The following EXD3 variants were observed in gnomAD, a reference collection of about 807,000 sequenced individuals.
EXD3 encodes exonuclease 3'-5' domain containing 3, also known as exonuclease mut-7 homolog.
Under a neutral mutation model 98.0 loss-of-function variants are expected in EXD3, and 92 were observed. That is an observed-to-expected ratio of 0.94 (90% CI 0.79 to 1.12). The LOEUF (loss-of-function observed/expected upper bound fraction) is 1.12, where lower values mean the gene tolerates loss of function less well. Among genes scored for constraint, EXD3 ranks in the 50% most tolerant of loss-of-function variants. EXD3 has a pLI of 0.00. For synonymous variants in EXD3, 569 were observed against 526.0 expected (o/e 1.08, Z -1.12); for missense variants, 1,222 against 1,191.6 (o/e 1.03, Z -0.38).
At chr9:137,390,702 G>A (rs925266944) in intron 2 of EXD3, among the ~76,000 whole-genome samples, 3 of 152,106 alleles carry the variant, frequency 2.0e-5, no homozygotes, top group African/African-American at 4.8e-5. Flanking sequence ...ACTTCCCTCC[G>A]GTCTCCCTCA....
chr9:137,379,770 T>C (rs1191131853), intron 3 of EXD3, among the ~76,000 whole-genome samples: 1 of 151,968 alleles, frequency 6.6e-6, no homozygotes, highest in Non-Finnish European at 1.5e-5. Context: ...GGCTGGTTTC[T>C]GTCACCCCCG....
At chr9:137,327,393 A>G (rs1428528382) in intron 17 of EXD3, among the ~76,000 whole-genome samples, 2 of 152,084 alleles carry the variant, frequency 1.3e-5, no homozygotes, top group Non-Finnish European at 2.9e-5. Flanking sequence ...TCGGCCTCCC[A>G]AAGTGCTGGG....
At chr9:137,416,831 G>T (rs923973183) in intron 1 of EXD3, among the ~76,000 whole-genome samples, 10 of 150,600 alleles carry the variant, frequency 6.6e-5, no homozygotes, top group African/African-American at 2.2e-4. Flanking sequence ...TCTTGGAGGC[G>T]CCCCGGGCAG....
intron 17 of EXD3, 50 bp downstream of exon 17, chr9:137,348,021 A>G (rs1311249760): frequency 1.3e-5 from 20 of 1,567,554 alleles, no homozygotes; most frequent in Non-Finnish European, 1.7e-5. Flanking sequence ...CACCTGTGCT[A>G]GGGGCAGCTG....
rs531409946 is a variant in EXD3 at position 137,346,912 on chromosome 9, G to A, written c.1998+1159C>T. ...CACTGCTGCCACCTCTGCCTCCCGGGTTCAAGCAATTCTCTGCCTCAGCCT... is the reference window on the plus strand; with the variant it reads ...CACTGCTGCCACCTCTGCCTCCCGGATTCAAGCAATTCTCTGCCTCAGCCT... On this transcript the variant is annotated intron_variant, in intron 17 of 21. Coordinates refer to ENST00000340951, the MANE Select transcript of EXD3 (RefSeq NM_017820.5). 1.2e-4 allele frequency among the ~76,000 whole-genome samples: 19 copies of A among 152,146 alleles called. No individual in the cohort carries two copies. In the South Asian group the frequency reaches 3.9e-3, roughly 32 times the overall value.
chr9:137,327,135 CTTT>C (rs777851313), intron 17 of EXD3, among the ~76,000 whole-genome samples: 7 of 138,236 alleles, frequency 5.1e-5, no homozygotes, highest in African/African-American at 2.7e-5. Flanking sequence ...GGTACGGAGT[CTTT>C]TTTTTTTTTT....
intron 17 of EXD3, among the ~76,000 whole-genome samples, chr9:137,327,572 A>G (rs577213178): frequency 6.0e-4 from 92 of 152,278 alleles, no homozygotes; most frequent in African/African-American, 2.2e-3. Flanking sequence ...TGTATGTTTT[A>G]CCACAAAAAG....
At chr9:137,354,186 C>T (rs1000298594) in intron 10 of EXD3, 153 bp downstream of exon 10, 3 of 1,453,912 alleles carry the variant, frequency 2.1e-6, no homozygotes, top group Non-Finnish European at 2.7e-6. Context: ...CTACACCCGC[C>T]TGCCAGCCAC....
chr9:137,401,972 A>G (rs1449435887), intron 1 of EXD3, among the ~76,000 whole-genome samples: 4 of 152,176 alleles, frequency 2.6e-5, no homozygotes, highest in African/African-American at 9.7e-5. Flanking sequence ...GTCAGGTTGC[A>G]CATTTTCTGA....
intron 18 of EXD3, 100 bp from the exon 19 acceptor site, chr9:137,323,956 G>A: frequency 6.5e-7 from 1 of 1,526,920 alleles, no homozygotes; most frequent in Non-Finnish European, 8.8e-7. Flanking sequence ...CCTTCTCTCG[G>A]CCCACCAGGG....
rs968812423 is a variant in EXD3, at chr9:137,403,014, C to T, written c.-47-7610G>A. ...TCAATTACTGCCCCCTGGGTCCCTCCCACAACAGGTGGGAATTCTGGGAGA... is the reference window on the plus strand; with the variant it reads ...TCAATTACTGCCCCCTGGGTCCCTCTCACAACAGGTGGGAATTCTGGGAGA... On this transcript the variant is annotated intron_variant, in intron 1 of 21. Transcript: ENST00000340951. This position sits in a 1 kb window ranked among gnomAD's most constrained non-coding sequence, Gnocchi z 6.1. Among the ~76,000 whole-genome samples the T allele has an allele frequency of 6.6e-6, 1 of 152,064 alleles. No individual in the cohort carries two copies. The highest frequency in any genetic ancestry group is 6.6e-5 in the Admixed American group (1 of 15,266).
intron 7 of EXD3, chr9:137,365,827 G>C: frequency 1.2e-5 from 4 of 342,818 alleles, no homozygotes; most frequent in Non-Finnish European, 2.3e-5. Flanking sequence ...TATGCACGCA[G>C]ACATACACAC....
Position 137,403,372 on chromosome 9 carries a change from A to G in EXD3, c.-47-7968T>C, listed in dbSNP as rs1837562873. On this transcript the variant is annotated intron_variant, in intron 1 of 21. Coordinates refer to ENST00000340951, the MANE Select transcript of EXD3 (RefSeq NM_017820.5). The surrounding 1 kb of genome is among the most constrained non-coding windows in gnomAD (Gnocchi z 6.1). ...TGCCAGCCACTGAGTTTGGGGGCACAGGCAGGGAGCTGCAGACCCCGTTCC... is the reference window on the plus strand; with the variant it reads ...TGCCAGCCACTGAGTTTGGGGGCACGGGCAGGGAGCTGCAGACCCCGTTCC... Among the ~76,000 whole-genome samples, 1 of 151,966 alleles carries G rather than the reference A, an allele frequency of 6.6e-6. No individual in the cohort carries two copies. The highest frequency in any genetic ancestry group is 1.5e-5 in the Non-Finnish European group (1 of 67,976).
At chr9:137,353,029 G>A in intron 10 of EXD3, 1 of 1,337,322 alleles carries the variant, frequency 7.5e-7, no homozygotes, top group Non-Finnish European at 9.6e-7. Flanking sequence ...GCCCCGGCTG[G>A]CCTTCCGGGT....
chr9:137,372,101 T>C (rs1835648159), intron 5 of EXD3, among the ~76,000 whole-genome samples: 1 of 152,140 alleles, frequency 6.6e-6, no homozygotes, highest in South Asian at 2.1e-4. Context: ...TTCCAACAGC[T>C]CCACCAATTC....
intron 2 of EXD3, among the ~76,000 whole-genome samples, chr9:137,394,670 T>G (rs945922390): frequency 6.6e-6 from 1 of 151,096 alleles, no homozygotes; most frequent in Non-Finnish European, 1.5e-5. Flanking sequence ...TCGGGCTGTT[T>G]ATCCTCAGCA....
rs547056556 is a variant in EXD3 at position 137,348,061 on chromosome 9, G to A, written c.1998+10C>T. 2.4e-5 allele frequency: 39 copies of A among 1,607,322 alleles called. No individual in the cohort carries two copies. Among genetic ancestry groups the A allele is most frequent in the South Asian group, 7.8e-5 (7 of 90,196 alleles). On this transcript the variant is annotated intron_variant, in intron 17 of 21. Transcript: ENST00000340951. The stretch of plus-strand genomic sequence containing the variant: ...TTGGGAGGACCCCAAGACCCTCCCC[G>A]CAAACTCACCTCGGCCGCCCTGCGG...
chr9:137,411,696 TGGGGGAGGTTGGGGGGA>T (rs1564219736), intron 1 of EXD3, among the ~76,000 whole-genome samples: 1 of 21,504 alleles, frequency 4.7e-5, no homozygotes, highest in Admixed American at 5.4e-4. Flanking sequence ...GAGGCGGGGG[TGGGGGAGGTTGGGGGGA>T]GGGGGATGGG....
intron 1 of EXD3, among the ~76,000 whole-genome samples, chr9:137,421,264 T>C (rs1194790501): frequency 1.3e-5 from 2 of 152,198 alleles, no homozygotes; most frequent in East Asian, 3.8e-4. Context: ...TGAAATTCCT[T>C]ATGGCAAAGT....
Sources: allele counts gnomAD v4.1 joint callset (sites outside exome capture counted in the v4.1 genomes callset), GRCh38; gene constraint gnomAD v4.1.1; non-coding constraint Gnocchi (gnomAD v3.1); transcripts MANE v1.5; gene names NCBI Gene and HGNC (gene_info 2026-07-23, HGNC 2026-07-21).